Variants in GAB1 observed in about 807,000 individuals in gnomAD.
The protein encoded by GAB1 is GRB2-associated-binding protein 1.
Under a neutral mutation model 66.5 loss-of-function variants are expected in GAB1, and 19 were observed. The observed-to-expected ratio is 0.29, with a 90% CI of 0.20 to 0.42. GAB1 has a LOEUF of 0.42. Ranked by LOEUF, GAB1 falls within the 10% of genes least tolerant of loss-of-function variation. GAB1 has a pLI of 1.00. For missense variants in GAB1, 732 were observed against 858.5 expected, an observed-to-expected ratio of 0.85 and a Z score of 1.84; for synonymous variants, 294 against 301.4, an observed-to-expected ratio of 0.98 and a Z score of 0.25.
chr4:143,443,912 T>C (rs1013529550), intron 6 of GAB1, among the ~76,000 whole-genome samples: 16 of 152,330 alleles, frequency 1.1e-4, no homozygotes, highest in African/African-American at 3.1e-4. Context: ...AACATAATTA[T>C]CTTAGACCCT....
rs3792656 is a variant in GAB1 at position 143,374,185 on chromosome 4, A to G, written c.72+36925A>G. Among the ~76,000 whole-genome samples the G allele has an allele frequency of 4.3e-3, 657 of 152,126 alleles. 20 individuals are homozygous for G. In the East Asian group the frequency reaches 0.081, roughly 19 times the overall value. ...ACTCCACTCAAATGCCCAAGAACCC[A>G]TACATTTTGGTGGCAGCATGACTTT... On this transcript the variant is annotated intron_variant, in intron 1 of 9. Coordinates refer to ENST00000262994, the MANE Select transcript of GAB1 (RefSeq NM_002039.4).
At chr4:143,438,931 C>G (rs1578717212) in intron 4 of GAB1, among the ~76,000 whole-genome samples, 2 of 152,266 alleles carry the variant, frequency 1.3e-5, no homozygotes, top group African/African-American at 4.8e-5. Context: ...GCCACAAAGC[C>G]TCTCCGAGTC....
chr4:143,359,499 C>A (rs1729578920), intron 1 of GAB1, among the ~76,000 whole-genome samples: 1 of 152,130 alleles, frequency 6.6e-6, no homozygotes, highest in Non-Finnish European at 1.5e-5. Context: ...ATGACCATTT[C>A]TAGTGGCTGC....
chr4:143,385,769 A>G (rs1261764460), intron 1 of GAB1, among the ~76,000 whole-genome samples: 3 of 152,188 alleles, frequency 2.0e-5, no homozygotes, highest in African/African-American at 7.2e-5. Flanking sequence ...TTACTATAGA[A>G]CAAGATCAGC....
intron 6 of GAB1, among the ~76,000 whole-genome samples, chr4:143,447,047 GGGGAA>G (rs1734595036): frequency 6.6e-6 from 1 of 151,786 alleles, no homozygotes; most frequent in Admixed American, 6.6e-5. Context: ...TTTATTAAAT[GGGGAA>G]TCCTTTCCCC....
chr4:143,421,037 A>G (rs1184455758), intron 2 of GAB1, among the ~76,000 whole-genome samples: 1 of 152,024 alleles, frequency 6.6e-6, no homozygotes, highest in Non-Finnish European at 1.5e-5. Flanking sequence ...CCCTCAGATT[A>G]AGAATGGTAC....
At chr4:143,359,883 A>G (rs1269721025) in intron 1 of GAB1, among the ~76,000 whole-genome samples, 1 of 152,184 alleles carries the variant, frequency 6.6e-6, no homozygotes, top group African/African-American at 2.4e-5. Flanking sequence ...CCTTGGTTCA[A>G]AGGAACGCTG....
chr4:143,474,072 A>T lies in GAB1; in HGVS notation c.*4883A>T, dbSNP rs188532789. ...ATTCTGTGAATGTTATTGAATATTT[A>T]AAAAGCTGGGTCTGTAATGGGAGGC... On this transcript the variant is annotated 3_prime_UTR_variant, in exon 10 of 10. Coordinates refer to ENST00000262994, the MANE Select transcript of GAB1 (RefSeq NM_002039.4). 31 of 152,306 alleles carry T rather than the reference A, an allele frequency of 2.0e-4. No individual in the cohort carries two copies. In the East Asian group the frequency reaches 6.0e-3, roughly 29 times the overall value. 9.4% of individuals were successfully genotyped at this position (152,306 alleles called of 1,614,324 possible).
At chr4:143,456,149 TG>T (rs1489928804) in intron 6 of GAB1, among the ~76,000 whole-genome samples, 1 of 152,160 alleles carries the variant, frequency 6.6e-6, no homozygotes, top group Non-Finnish European at 1.5e-5. Context: ...GCACACTATT[TG>T]GGGGAGTTTA....
At chr4:143,348,630 C>G (rs1252371242) in intron 1 of GAB1, among the ~76,000 whole-genome samples, 1 of 152,270 alleles carries the variant, frequency 6.6e-6, no homozygotes, top group African/African-American at 2.4e-5. Context: ...CTTATCAAGG[C>G]AGCCAGAGTG....
chr4:143,423,903 C>T, intron 2 of GAB1, among the ~76,000 whole-genome samples: 1 of 141,772 alleles, frequency 7.1e-6, no homozygotes, highest in Non-Finnish European at 1.5e-5. Flanking sequence ...TCTCTGTCCT[C>T]TTTTCAGAAA....
intron 6 of GAB1, among the ~76,000 whole-genome samples, chr4:143,459,015 T>G (rs1735345993): frequency 6.6e-6 from 1 of 152,052 alleles, no homozygotes; most frequent in South Asian, 2.1e-4. Context: ...TCTTATTGAG[T>G]ATGAAATTGG....
chr4:143,413,345 G>A (rs1303941543), intron 1 of GAB1, among the ~76,000 whole-genome samples: 1 of 152,052 alleles, frequency 6.6e-6, no homozygotes, highest in Non-Finnish European at 1.5e-5. Context: ...GATTTTTATA[G>A]TCCAGAAAAC....
intron 6 of GAB1, among the ~76,000 whole-genome samples, chr4:143,455,030 A>T (rs1415349466): frequency 2.6e-5 from 4 of 151,994 alleles, no homozygotes; most frequent in African/African-American, 9.7e-5. Flanking sequence ...ATCATTCTGG[A>T]TTATAGTCAT....
At chr4:143,350,849 CATG>C (rs751274318) in intron 1 of GAB1, among the ~76,000 whole-genome samples, 1 of 152,128 alleles carries the variant, frequency 6.6e-6, no homozygotes, top group Non-Finnish European at 1.5e-5. Context: ...CACATTTCTT[CATG>C]ATGTTTCTGT....
intron 1 of GAB1, among the ~76,000 whole-genome samples, chr4:143,377,242 G>A (rs1730460454): frequency 6.6e-6 from 1 of 152,102 alleles, no homozygotes; most frequent in Non-Finnish European, 1.5e-5. Flanking sequence ...AGAAGAACTT[G>A]TTAACTGAAC....
chr4:143,431,198 T>C (rs539489604), intron 2 of GAB1, among the ~76,000 whole-genome samples: 1 of 152,256 alleles, frequency 6.6e-6, no homozygotes, highest in South Asian at 2.1e-4. Context: ...GAGACAGGAT[T>C]AGGAAAACAT....
intron 1 of GAB1, among the ~76,000 whole-genome samples, chr4:143,386,561 G>T (rs547339511): frequency 3.9e-5 from 6 of 151,966 alleles, no homozygotes; most frequent in African/African-American, 1.4e-4. Context: ...CTAATTTTTT[G>T]ATTTTTTATA....
chr4:143,362,685 G>T (rs1234327239), intron 1 of GAB1, among the ~76,000 whole-genome samples: 2 of 152,222 alleles, frequency 1.3e-5, no homozygotes, highest in East Asian at 3.8e-4. Flanking sequence ...TGAGCAGTGA[G>T]GATGACCAGA....
Sources: gnomAD v4.1 joint callset for allele counts (sites outside exome capture counted in the v4.1 genomes callset) on GRCh38, gnomAD v4.1.1 for gene constraint, MANE v1.5 for transcripts, NCBI Gene and HGNC (gene_info 2026-07-23, HGNC 2026-07-21) for gene names.